HCFC2: variants seen among roughly 807,000 people sequenced by gnomAD.
HCFC2 encodes the protein host cell factor 2.
HCFC2 carries 18 observed loss-of-function variants against 89.2 expected under a neutral mutation model. The observed-to-expected ratio is 0.20, with a 90% CI of 0.14 to 0.30. HCFC2 has a LOEUF of 0.30. Among genes scored for constraint, HCFC2 ranks in the 10% least tolerant of loss-of-function variants. The pLI is 1.00. For synonymous variants in HCFC2, 308 were observed against 335.7 expected, an observed-to-expected ratio of 0.92 and a Z score of 0.90; for missense variants, 578 against 956.1, an observed-to-expected ratio of 0.60 and a Z score of 5.21.
At chr12:104,096,282 A>C in intron 11 of HCFC2, 78 bp from the exon 12 acceptor site, 1 of 943,262 alleles carries the variant, frequency 1.1e-6, no homozygotes, top group Non-Finnish European at 1.6e-6. Context: ...GGTGGCATTA[A>C]ATATATATTT....
chr12:104,091,625 C>A (rs1884025494), intron 9 of HCFC2, among the ~76,000 whole-genome samples: 1 of 152,162 alleles, frequency 6.6e-6, no homozygotes, highest in South Asian at 2.1e-4. Flanking sequence ...TTTATTTATA[C>A]TTATTTTATA....
In HCFC2 at chr12:104,102,263, T is replaced by A. The variant is rs960395447; in HGVS notation, c.2064+110T>A. On this transcript the variant is annotated intron_variant, in intron 14 of 14. Transcript: ENST00000229330. ...TGTTACCATCTAATGAAATGAGAGA[T>A]ACCTAAAAGGATGGATTTAAAGTTT... 32 of 880,506 alleles carry A rather than the reference T, an allele frequency of 3.6e-5. No individual in the cohort carries two copies. In the African/African-American group the frequency reaches 5.0e-4, roughly 14 times the overall value. 54.5% of individuals were successfully genotyped at this position (880,506 alleles called of 1,614,324 possible).
chr12:104,074,674 C>A (rs1883440711), intron 3 of HCFC2, among the ~76,000 whole-genome samples: 1 of 152,118 alleles, frequency 6.6e-6, no homozygotes, highest in Admixed American at 6.6e-5. Context: ...TTACAGAATT[C>A]TTTTCTTTGC....
intron 7 of HCFC2, 24 bp downstream of exon 7, chr12:104,082,925 A>G: frequency 6.4e-7 from 1 of 1,556,824 alleles, no homozygotes; most frequent in Non-Finnish European, 8.7e-7. Flanking sequence ...TTTAACAAAT[A>G]AACTTTTTCC....
chr12:104,094,772 G>A (rs574264525), intron 10 of HCFC2, among the ~76,000 whole-genome samples: 57 of 152,202 alleles, frequency 3.7e-4, no homozygotes, highest in Non-Finnish European at 6.5e-4. Flanking sequence ...AAAGAGGTGC[G>A]TTGTTTGCTT....
chr12:104,096,235 A>C (rs949137544), intron 11 of HCFC2, 125 bp from the exon 12 acceptor site: 1 of 535,120 alleles, frequency 1.9e-6, no homozygotes, highest in African/African-American at 1.9e-5. Context: ...CATGTAACAT[A>C]AAATTTGCTG....
rs867993593 is a variant in HCFC2, at chr12:104,073,385, G to A, written c.473+5278G>A. 3.8e-4 allele frequency among the ~76,000 whole-genome samples: 57 copies of A among 151,494 alleles called. 1 individual carries two copies. The highest frequency in any genetic ancestry group is 6.9e-3 in the Middle Eastern group (2 of 290). On this transcript the variant is annotated intron_variant, in intron 3 of 14. Coordinates refer to ENST00000229330, the MANE Select transcript of HCFC2 (RefSeq NM_013320.3). ...TCACTTTGTTGGCCAGGCTGGTCTC[G>A]AACTCCTGACCTCATGATCCGCCCG...
At chr12:104,073,824 G>A (rs1459004421) in intron 3 of HCFC2, among the ~76,000 whole-genome samples, 1 of 152,136 alleles carries the variant, frequency 6.6e-6, no homozygotes, top group Admixed American at 6.5e-5. Flanking sequence ...TATACCAGGG[G>A]TTGCAAACTA....
intron 1 of HCFC2, among the ~76,000 whole-genome samples, chr12:104,065,856 AG>A (rs747957643): frequency 6.6e-6 from 1 of 152,200 alleles, no homozygotes; most frequent in Non-Finnish European, 1.5e-5. Context: ...GATACAGATC[AG>A]GGTTTTTCAA....
intron 7 of HCFC2, among the ~76,000 whole-genome samples, chr12:104,084,866 A>G (rs961348551): frequency 2.6e-5 from 4 of 152,190 alleles, no homozygotes; most frequent in Non-Finnish European, 4.4e-5. Flanking sequence ...AGTGAAAGAA[A>G]GGGAAGAATG....
At chr12:104,070,102 A>C (rs1043727953) in intron 3 of HCFC2, among the ~76,000 whole-genome samples, 1 of 151,966 alleles carries the variant, frequency 6.6e-6, no homozygotes, top group Admixed American at 6.6e-5. Flanking sequence ...GTCTCACTGC[A>C]AGCTCCGCCT....
At chr12:104,071,172 A>G (rs1566225167) in intron 3 of HCFC2, among the ~76,000 whole-genome samples, 1 of 152,248 alleles carries the variant, frequency 6.6e-6, no homozygotes, top group African/African-American at 2.4e-5. Flanking sequence ...TTAAAATAAC[A>G]CTGGTAAAAA....
chr12:104,089,378 T>G (rs990800229), intron 9 of HCFC2, among the ~76,000 whole-genome samples: 1 of 151,946 alleles, frequency 6.6e-6, no homozygotes, highest in African/African-American at 2.4e-5. Context: ...TAGCCGGGCA[T>G]GGTGGCGGGT....
At chr12:104,069,979 T>C (rs1029660224) in intron 3 of HCFC2, among the ~76,000 whole-genome samples, 3 of 152,158 alleles carry the variant, frequency 2.0e-5, no homozygotes, top group African/African-American at 7.2e-5. Context: ...GTTAGTTTGC[T>C]GAGAATGATG....
At position 104,095,554 on chromosome 12, in the gene HCFC2, A is replaced by G. The variant is rs1884153110; in HGVS notation, c.1657A>G (p.Lys553Glu). 1 of 1,611,366 alleles carries G rather than the reference A, an allele frequency of 6.2e-7. No homozygotes were observed. Among genetic ancestry groups the G allele is most frequent in the Non-Finnish European group, 8.5e-7 (1 of 1,177,736 alleles). Residue 553 changes from lysine (K) to glutamate (E), a missense_variant, in exon 11 of 15, where the codon AAA becomes GAA. Physicochemically the swap from Lys to Glu is moderately conservative, Grantham distance 56. Transcript: ENST00000229330. The surrounding 1 kb of genome is among the most constrained non-coding windows in gnomAD (Gnocchi z 4.2). ...AACTTCACTAACAACATTCAGTACC[A>G]AATCTGAAGGTTTGAAATGTGTTTC... ...DETSLTTFST[K>E]SEVDETYALP...
In HCFC2 at chr12:104,104,014, A is replaced by G. The variant is rs1407456918; in HGVS notation, c.*741A>G. 2 of 152,092 alleles carry G rather than the reference A, an allele frequency of 1.3e-5. No individual in the cohort carries two copies. The highest frequency in any genetic ancestry group is 4.8e-5 in the African/African-American group (2 of 41,440). 9.4% of individuals were successfully genotyped at this position (152,092 alleles called of 1,614,324 possible). On this transcript the variant is annotated 3_prime_UTR_variant, in exon 15 of 15. Transcript: ENST00000229330. ...TCATAACAGATGAGGGAGTTAAAGC[A>G]GTTTATCTTTTAGGTCCCTTTCAGC...
At chr12:104,097,129 G>T (rs1440200069) in intron 12 of HCFC2, among the ~76,000 whole-genome samples, 1 of 151,328 alleles carries the variant, frequency 6.6e-6, no homozygotes, top group African/African-American at 2.4e-5. Flanking sequence ...TACTTTTGAG[G>T]TTTTTTTTTG....
At chr12:104,070,887 C>T (rs558953026) in intron 3 of HCFC2, among the ~76,000 whole-genome samples, 1 of 150,194 alleles carries the variant, frequency 6.7e-6, no homozygotes, top group South Asian at 2.1e-4. Flanking sequence ...TCACTGCAAG[C>T]TCCGCCTCCC....
At chr12:104,087,466 CATATATATATATATATATGTATATATAT>C (rs1844442687) in intron 8 of HCFC2, among the ~76,000 whole-genome samples, 1 of 139,472 alleles carries the variant, frequency 7.2e-6, no homozygotes, top group Non-Finnish European at 1.5e-5. Flanking sequence ...TATATATATA[CATATATATATATATATATGTATATATAT>C]ATACACACAT....
Sources: allele counts gnomAD v4.1 joint callset (sites outside exome capture counted in the v4.1 genomes callset), GRCh38; gene constraint gnomAD v4.1.1; non-coding constraint Gnocchi (gnomAD v3.1); transcripts MANE v1.5; gene names NCBI Gene and HGNC (gene_info 2026-07-23, HGNC 2026-07-21).